The following PIP5K1B variants were observed in gnomAD, a reference collection of about 807,000 sequenced individuals.
The protein encoded by PIP5K1B is phosphatidylinositol-4-phosphate 5-kinase type 1 beta.
Under a neutral mutation model 67.0 loss-of-function variants are expected in PIP5K1B, and 42 were observed. That is an observed-to-expected ratio of 0.63 (90% CI 0.49 to 0.81). The LOEUF is 0.81. Ranked by LOEUF, PIP5K1B falls within the 30% of genes least tolerant of loss-of-function variation. The probability of loss-of-function intolerance (pLI) is 0.00; values close to 1 mark genes in which losing one functional copy is unlikely to be tolerated. For missense variants in PIP5K1B, 459 were observed against 646.3 expected (o/e 0.71, Z 3.14); for synonymous variants, 214 against 231.4 (o/e 0.92, Z 0.68).
chr9:68,797,249 G>A (rs1832343917), intron 2 of PIP5K1B, among the ~76,000 whole-genome samples: 1 of 152,152 alleles, frequency 6.6e-6, no homozygotes, highest in Admixed American at 6.5e-5. Flanking sequence ...TGTCCAAGAT[G>A]CTACAGGAAC....
chr9:68,942,320 C>A (rs1453182121), intron 14 of PIP5K1B, among the ~76,000 whole-genome samples: 2 of 152,186 alleles, frequency 1.3e-5, no homozygotes, highest in African/African-American at 4.8e-5. Context: ...AAAAACAATT[C>A]TCATGTGAAG....
At chr9:68,806,427 C>T (rs17391596) in intron 2 of PIP5K1B, among the ~76,000 whole-genome samples, 39,486 of 152,158 alleles carry the variant, frequency 0.26, 5,693 homozygotes, top group Middle Eastern at 0.32. Context: ...TTGCAGCAGG[C>T]TCTAGAGTCA....
intron 1 of PIP5K1B, among the ~76,000 whole-genome samples, chr9:68,726,509 A>T (rs564031544): frequency 9.9e-5 from 15 of 152,242 alleles, no homozygotes; most frequent in Non-Finnish European, 1.8e-4. Context: ...TCATAATCAT[A>T]CAGGTGCCGT....
At chr9:68,746,082 T>TC (rs1382620467) in intron 2 of PIP5K1B, among the ~76,000 whole-genome samples, 1 of 148,386 alleles carries the variant, frequency 6.7e-6, no homozygotes, top group Non-Finnish European at 1.5e-5. Flanking sequence ...AACTCTTTTT[T>TC]TTTTTTTTTT....
intron 2 of PIP5K1B, chr9:68,780,141 C>G: frequency 2.0e-6 from 3 of 1,508,202 alleles, no homozygotes. Context: ...GACTGAGCAC[C>G]TCCCCCGCCT....
rs140025078 is a variant in PIP5K1B at position 68,911,775 on chromosome 9, C to T, written c.772-5773C>T. ...GCATGTGCCTGTAGTTCCAGCCACT[C>T]GGGAGGCTGAGATGAGAGGATCACT... On this transcript the variant is annotated intron_variant, in intron 8 of 15. Coordinates refer to ENST00000265382, the MANE Select transcript of PIP5K1B (RefSeq NM_003558.4). Among the ~76,000 whole-genome samples, 559 of 151,784 alleles carry T rather than the reference C, an allele frequency of 3.7e-3. 2 individuals carry two copies. The highest frequency in any genetic ancestry group is 0.01 in the African/African-American group (419 of 41,350).
chr9:68,924,401 CAAAAAAAAAAA>C (rs71353093), intron 12 of PIP5K1B, among the ~76,000 whole-genome samples: 1 of 86,768 alleles, frequency 1.2e-5, no homozygotes, highest in Non-Finnish European at 2.2e-5. Flanking sequence ...CACTGCGCCT[CAAAAAAAAAAA>C]AAAAAAAAAA....
chr9:68,978,326 T>C (rs1350412062), intron 14 of PIP5K1B, among the ~76,000 whole-genome samples: 1 of 152,244 alleles, frequency 6.6e-6, no homozygotes, highest in African/African-American at 2.4e-5. Context: ...TCTGCTTTTA[T>C]GAGTTCAGCT....
chr9:68,937,383 A>G (rs908220277), intron 13 of PIP5K1B, among the ~76,000 whole-genome samples: 1 of 152,126 alleles, frequency 6.6e-6, no homozygotes, highest in Non-Finnish European at 1.5e-5. Context: ...TTTCTAGTGT[A>G]TTTGCACAGA....
intron 2 of PIP5K1B, among the ~76,000 whole-genome samples, chr9:68,804,571 T>G (rs975079484): frequency 6.6e-6 from 1 of 151,076 alleles, no homozygotes; most frequent in African/African-American, 2.4e-5. Context: ...TTATATATTT[T>G]ATTCTTCTAG....
intron 2 of PIP5K1B, among the ~76,000 whole-genome samples, chr9:68,796,304 T>C (rs1266077819): frequency 1.3e-5 from 1 of 78,210 alleles, no homozygotes; most frequent in East Asian, 3.8e-4. Flanking sequence ...CTTTAGTTTG[T>C]TTTCAATTTT....
chr9:68,776,504 G>GTT (rs146804367), intron 2 of PIP5K1B, among the ~76,000 whole-genome samples: 16 of 151,510 alleles, frequency 1.1e-4, no homozygotes, highest in African/African-American at 3.9e-4. Flanking sequence ...ATAAGATGAG[G>GTT]TCTCTCTCTT....
intron 8 of PIP5K1B, among the ~76,000 whole-genome samples, chr9:68,916,238 A>G (rs566644255): frequency 6.6e-6 from 1 of 152,252 alleles, no homozygotes; most frequent in South Asian, 2.1e-4. Flanking sequence ...GTAGGGGAGA[A>G]TCATATACAG....
In PIP5K1B at chr9:68,764,074, CTTTTTTT is replaced by C. The variant is rs72304177; in HGVS notation, c.-86+21437_-86+21443del. On this transcript the variant is annotated intron_variant, in intron 2 of 15. Transcript: ENST00000265382. ...TTTGGACACCCCTCTACTATAACTT[CTTTTTTT>C]TTTTTTTTTTTTTTTTTTTGGAATC... Among the ~76,000 whole-genome samples, 87 of 73,546 alleles carry C rather than the reference CTTTTTTT, an allele frequency of 1.2e-3. 1 individual carries two copies. Among genetic ancestry groups the C allele is most frequent in the African/African-American group, 2.6e-3 (49 of 18,638 alleles). The allele number at this position is 73,546 out of a possible 152,430, so 48.2% of individuals were successfully genotyped here. A position where few individuals can be genotyped will look rare whatever the true frequency, so the allele number is the denominator to read the frequency against.
chr9:68,722,630 TATTA>T (rs914125830), intron 1 of PIP5K1B, among the ~76,000 whole-genome samples: 5 of 150,672 alleles, frequency 3.3e-5, no homozygotes, highest in African/African-American at 7.3e-5. Flanking sequence ...TTATTATAAT[TATTA>T]ATTAATTTTA....
intron 14 of PIP5K1B, among the ~76,000 whole-genome samples, chr9:68,946,789 C>T (rs1427970792): frequency 1.3e-5 from 2 of 152,152 alleles, no homozygotes; most frequent in African/African-American, 2.4e-5. Context: ...GATGCTCATG[C>T]GTCTTGCTAA....
In PIP5K1B at chr9:68,935,051, G is replaced by T. The variant is rs762307568; in HGVS notation, c.1357+6G>T. On this transcript the variant is annotated splice_donor_region_variant and intron_variant, in intron 13 of 15. Transcript: ENST00000265382. ...TAGCAGCCTTGATGAAGAAGGTAAAGATATGTAACTTTTTTAAAAAGACAA... is the reference window on the plus strand; with the variant it reads ...TAGCAGCCTTGATGAAGAAGGTAAATATATGTAACTTTTTTAAAAAGACAA... 7 of 1,608,546 alleles carry T rather than the reference G, an allele frequency of 4.4e-6. No individual in the cohort carries two copies. The highest frequency in any genetic ancestry group is 5.9e-6 in the Non-Finnish European group (7 of 1,177,682).
At chr9:68,849,455 A>G (rs1242756547) in intron 4 of PIP5K1B, among the ~76,000 whole-genome samples, 1 of 152,170 alleles carries the variant, frequency 6.6e-6, no homozygotes, top group Admixed American at 6.5e-5. Context: ...ATCTCAGCTC[A>G]CTGCAACCTC....
intron 15 of PIP5K1B, among the ~76,000 whole-genome samples, chr9:69,006,460 A>G (rs1417631034): frequency 6.6e-6 from 1 of 152,232 alleles, no homozygotes; most frequent in Non-Finnish European, 1.5e-5. Context: ...TCCCGACCCC[A>G]GGATCACAGC....
Sources: allele counts gnomAD v4.1 joint callset (sites outside exome capture counted in the v4.1 genomes callset), GRCh38; gene constraint gnomAD v4.1.1; transcripts MANE v1.5; gene names NCBI Gene and HGNC (gene_info 2026-07-23, HGNC 2026-07-21).